Variants in TBCK observed in about 807,000 individuals in gnomAD.
TBCK encodes the protein TBC domain-containing protein kinase-like protein.
In TBCK, 99 loss-of-function variants were observed where a neutral mutation model predicts 113.4. The ratio of observed to expected loss-of-function variants is 0.87; its 90% CI spans 0.74 to 1.03. The LOEUF (loss-of-function observed/expected upper bound fraction) is 1.03. TBCK is among the 50% of genes least tolerant of loss of function. The pLI is 0.00. For synonymous variants in TBCK, 369 were observed against 370.8 expected (o/e 1.00, Z 0.05); for missense variants, 1,045 against 1,061.3 (o/e 0.98, Z 0.21).
chr4:106,154,553 T>C (rs1247250132), intron 23 of TBCK, among the ~76,000 whole-genome samples: 1 of 152,178 alleles, frequency 6.6e-6, no homozygotes, highest in East Asian at 1.9e-4. Flanking sequence ...TCATTTCTCA[T>C]GGCTTAACAC....
intron 25 of TBCK, among the ~76,000 whole-genome samples, chr4:106,058,453 A>G (rs897950518): frequency 6.6e-6 from 1 of 151,782 alleles, no homozygotes; most frequent in Admixed American, 6.6e-5. Flanking sequence ...AGGATTTAAG[A>G]GTGATACTTA....
chr4:106,309,124 A>C, intron 1 of TBCK, 135 bp from the exon 2 acceptor site: 1 of 528,648 alleles, frequency 1.9e-6, no homozygotes, highest in Non-Finnish European at 3.3e-6. Context: ...GTATAAGAAA[A>C]TTCTAAAATA....
At chr4:106,180,720 T>C (rs935329790) in intron 22 of TBCK, among the ~76,000 whole-genome samples, 3 of 152,176 alleles carry the variant, frequency 2.0e-5, no homozygotes, top group African/African-American at 7.2e-5. Context: ...ACTCATCTTT[T>C]TTATGGCTGC....
intron 20 of TBCK, among the ~76,000 whole-genome samples, chr4:106,210,148 T>C (rs1281426152): frequency 3.3e-5 from 5 of 152,088 alleles, no homozygotes; most frequent in Non-Finnish European, 5.9e-5. Context: ...AAAGCAGAAA[T>C]GGAATCTCCT....
intron 25 of TBCK, among the ~76,000 whole-genome samples, chr4:106,073,818 A>G (rs527336942): frequency 1.3e-5 from 2 of 152,202 alleles, no homozygotes; most frequent in South Asian, 4.2e-4. Context: ...AGTCTTAGCA[A>G]TGGTGGACAC....
intron 1 of TBCK, among the ~76,000 whole-genome samples, chr4:106,311,733 A>C (rs1424555284): frequency 6.6e-6 from 1 of 152,080 alleles, no homozygotes; most frequent in Non-Finnish European, 1.5e-5. Flanking sequence ...ATCTATATTT[A>C]TCTACATATG....
chr4:106,107,570 G>A (rs1050136812), intron 24 of TBCK, among the ~76,000 whole-genome samples: 1 of 152,116 alleles, frequency 6.6e-6, no homozygotes, highest in Non-Finnish European at 1.5e-5. Context: ...AAATCAAGAA[G>A]TTCTTTTAAA....
chr4:106,057,926 T>C (rs1735613303), intron 25 of TBCK, among the ~76,000 whole-genome samples: 1 of 151,764 alleles, frequency 6.6e-6, no homozygotes, highest in African/African-American at 2.4e-5. Flanking sequence ...AAGTTTCCAT[T>C]TGTAGGCATT....
intron 7 of TBCK, among the ~76,000 whole-genome samples, chr4:106,249,778 T>C (rs1452766595): frequency 6.6e-6 from 1 of 152,108 alleles, no homozygotes; most frequent in Non-Finnish European, 1.5e-5. Flanking sequence ...TATAATTCAT[T>C]ATTATTTAAT....
chr4:106,169,585 T>C (rs909483421), intron 23 of TBCK, among the ~76,000 whole-genome samples: 5 of 152,122 alleles, frequency 3.3e-5, no homozygotes, highest in African/African-American at 9.6e-5. Flanking sequence ...AGAACAGTGT[T>C]CCTCAACTTT....
chr4:106,172,600 G>T (rs892940745), intron 22 of TBCK, among the ~76,000 whole-genome samples: 9 of 152,072 alleles, frequency 5.9e-5, no homozygotes, highest in African/African-American at 2.2e-4. Flanking sequence ...GTCAGAAAGT[G>T]GTAAGTTCTT....
intron 23 of TBCK, among the ~76,000 whole-genome samples, chr4:106,170,821 T>G (rs900065226): frequency 6.6e-6 from 1 of 152,048 alleles, no homozygotes. Context: ...TCTCACTATA[T>G]AACCAATTGA....
chr4:106,095,661 GAA>G lies in TBCK; in HGVS notation c.2412-22_2412-21del. ...ATAAAGCTGAGAAGGAAAGTTTAAG[GAA>G]AACATTTATTTGTGTGCAATCCTGA... On this transcript the variant is annotated intron_variant, in intron 24 of 25. Transcript: ENST00000394708. 1 of 1,609,638 alleles carries G rather than the reference GAA, an allele frequency of 6.2e-7. No homozygotes were observed. Among genetic ancestry groups the G allele is most frequent in the Non-Finnish European group, 8.5e-7 (1 of 1,177,362 alleles).
intron 20 of TBCK, among the ~76,000 whole-genome samples, 164 bp downstream of exon 20, chr4:106,212,586 T>C (rs1334043803): frequency 6.6e-6 from 1 of 152,172 alleles, no homozygotes; most frequent in Non-Finnish European, 1.5e-5. Flanking sequence ...GGTGGAAATA[T>C]GGAAAGTAGC....
In TBCK at chr4:106,260,870, A is replaced by C. The variant is rs1274433048; in HGVS notation, c.382-360T>G. 3.9e-5 allele frequency among the ~76,000 whole-genome samples: 6 copies of C among 152,112 alleles called. No homozygotes were observed. The East Asian group carries it at 1.2e-3, about 29-fold the overall frequency. On this transcript the variant is annotated intron_variant, in intron 4 of 25. Transcript: ENST00000394708. Reference sequence around the variant, plus strand: ...AACCTTGGTTAGAATGTTTTGTGGTAATTTTCACAGAGCAAATTTTTTTCC... The same window carrying C: ...AACCTTGGTTAGAATGTTTTGTGGTCATTTTCACAGAGCAAATTTTTTTCC...
At chr4:106,171,955 C>T (rs894736354) in intron 22 of TBCK, among the ~76,000 whole-genome samples, 27 of 152,020 alleles carry the variant, frequency 1.8e-4, no homozygotes, top group Admixed American at 1.8e-3. Flanking sequence ...CTCAGCCTTC[C>T]TAGAAGCTGG....
intron 25 of TBCK, among the ~76,000 whole-genome samples, chr4:106,065,742 C>T (rs1736568988): frequency 1.3e-5 from 2 of 151,990 alleles, no homozygotes; most frequent in South Asian, 4.1e-4. Context: ...ATACTATACA[C>T]TATAGCTCAT....
At chr4:106,124,790 G>T (rs546324217) in intron 23 of TBCK, among the ~76,000 whole-genome samples, 7 of 151,452 alleles carry the variant, frequency 4.6e-5, no homozygotes, top group African/African-American at 1.7e-4. Flanking sequence ...TCATAGGTGG[G>T]AACTGAACAA....
intron 23 of TBCK, among the ~76,000 whole-genome samples, chr4:106,136,648 T>C (rs1746594210): frequency 7.1e-6 from 1 of 140,916 alleles, no homozygotes; most frequent in African/African-American, 2.5e-5. Flanking sequence ...TAACCTGGTA[T>C]GAATGATGCA....
Sources: allele counts gnomAD v4.1 joint callset (sites outside exome capture counted in the v4.1 genomes callset), GRCh38; gene constraint gnomAD v4.1.1; transcripts MANE v1.5; gene names NCBI Gene and HGNC (gene_info 2026-07-23, HGNC 2026-07-21).